Variants in RPAP3 observed in about 807,000 individuals in gnomAD.
RPAP3 encodes RNA polymerase II-associated protein 3.
A neutral mutation model predicts 88.8 loss-of-function variants in RPAP3; 58 were observed. The ratio of observed to expected loss-of-function variants is 0.65; its 90% CI spans 0.53 to 0.81. The LOEUF is 0.81. RPAP3 is among the 40% of genes least tolerant of loss of function. The pLI, the probability that RPAP3 is intolerant of heterozygous loss-of-function variation, is 0.00. For synonymous variants in RPAP3, 255 were observed against 259.9 expected, an observed-to-expected ratio of 0.98 and a Z score of 0.18; for missense variants, 751 against 764.3, an observed-to-expected ratio of 0.98 and a Z score of 0.20.
chr12:47,695,715 A>T (rs1361721247), intron 5 of RPAP3, among the ~76,000 whole-genome samples: 1 of 152,206 alleles, frequency 6.6e-6, no homozygotes, highest in Non-Finnish European at 1.5e-5. Context: ...GATACCAATA[A>T]AATTTGTATT....
At chr12:47,671,905 G>C (rs1341550283) in intron 12 of RPAP3, among the ~76,000 whole-genome samples, 1 of 151,750 alleles carries the variant, frequency 6.6e-6, no homozygotes, top group Admixed American at 6.6e-5. Flanking sequence ...AAGAACTTAA[G>C]AAAATATGAA....
chr12:47,688,001 C>T lies in RPAP3; in HGVS notation c.739G>A (p.Ala247Thr), dbSNP rs1209335748. Residue 247 changes from alanine to threonine, a missense_variant and splice_region_variant, in exon 8 of 17, where the codon GCT becomes ACT. Coordinates refer to ENST00000005386, the MANE Select transcript of RPAP3 (RefSeq NM_024604.3). ...ATNELRKISQ[A>T]LASKENSYPK... Reference sequence around the variant, plus strand: ...TATGAGTTTTCTTTGGATGCTAAAGCCTAGGAGACATAGCAGTCAGCTAAA... The same window carrying T: ...TATGAGTTTTCTTTGGATGCTAAAGTCTAGGAGACATAGCAGTCAGCTAAA... 1.9e-6 allele frequency: 3 copies of T among 1,607,806 alleles called. No homozygotes were observed. The African/African-American group carries it at 4.0e-5, about 22-fold the overall frequency.
At chr12:47,686,077 T>C (rs904190092) in intron 9 of RPAP3, among the ~76,000 whole-genome samples, 13 of 152,230 alleles carry the variant, frequency 8.5e-5, no homozygotes, top group Non-Finnish European at 4.4e-5. Context: ...TTCATGGCAC[T>C]GAAGAAGTTT....
chr12:47,703,808 T>C (rs1271968410), intron 1 of RPAP3, among the ~76,000 whole-genome samples: 2 of 152,224 alleles, frequency 1.3e-5, no homozygotes, highest in African/African-American at 4.8e-5. Flanking sequence ...TATGTGAAAA[T>C]ATCAAGGTAG....
chr12:47,672,933 T>C (rs562775934), intron 12 of RPAP3, among the ~76,000 whole-genome samples: 2 of 152,352 alleles, frequency 1.3e-5, no homozygotes, highest in African/African-American at 2.4e-5. Flanking sequence ...TTTATAATTA[T>C]GGACAGTGAC....
At chr12:47,691,791 G>A (rs544277868) in intron 5 of RPAP3, among the ~76,000 whole-genome samples, 46 of 151,682 alleles carry the variant, frequency 3.0e-4, no homozygotes, top group Non-Finnish European at 5.7e-4. Flanking sequence ...CTGTCGCCCA[G>A]GCTGGAGTGC....
At chr12:47,669,163 G>C in intron 13 of RPAP3, 61 bp from the exon 14 acceptor site, 2 of 1,187,830 alleles carry the variant, frequency 1.7e-6, no homozygotes, top group Non-Finnish European at 2.4e-6. Context: ...CTCAATCAAG[G>C]AGACATCAAT....
At chr12:47,686,714 G>A (rs1276045792) in intron 9 of RPAP3, 66 bp downstream of exon 9, 1 of 1,267,782 alleles carries the variant, frequency 7.9e-7, no homozygotes, top group Admixed American at 2.8e-5. Flanking sequence ...GTAACTTATG[G>A]TAAAAATTTA....
intron 1 of RPAP3, among the ~76,000 whole-genome samples, chr12:47,705,503 G>A (rs1228812230): frequency 6.6e-6 from 1 of 152,176 alleles, no homozygotes; most frequent in Admixed American, 6.5e-5. Context: ...GCTGCTGCTC[G>A]AGCAGGCCCA....
In RPAP3 at chr12:47,662,437, G is replaced by C. The variant is rs1938779356; in HGVS notation, c.*1068C>G. 1.3e-5 allele frequency: 2 copies of C among 152,058 alleles called. No homozygotes were observed. Among genetic ancestry groups the C allele is most frequent in the Admixed American group, 6.6e-5 (1 of 15,266 alleles). The allele number at this position is 152,058 out of a possible 1,614,324, so 9.4% of individuals were successfully genotyped here. A position where few individuals can be genotyped will look rare whatever the true frequency, so the allele number is the denominator to read the frequency against. On this transcript the variant is annotated 3_prime_UTR_variant, in exon 17 of 17. Coordinates refer to ENST00000005386, the MANE Select transcript of RPAP3 (RefSeq NM_024604.3). ...TGATTACTTCTCAAACAATTCATAA[G>C]AATAGTAATATGTATAATGGCAATA...
intron 1 of RPAP3, among the ~76,000 whole-genome samples, chr12:47,704,005 T>C (rs1470613645): frequency 2.0e-5 from 3 of 152,128 alleles, no homozygotes; most frequent in Non-Finnish European, 4.4e-5. Context: ...GTCAGATTAT[T>C]TGTTTGGGAT....
At chr12:47,702,976 T>A (rs1939686688) in intron 1 of RPAP3, 130 bp from the exon 2 acceptor site, 5 of 469,250 alleles carry the variant, frequency 1.1e-5, no homozygotes, top group Non-Finnish European at 1.8e-5. Context: ...AGCCAACTGA[T>A]GCTGAATAAA....
At position 47,663,347 on chromosome 12, in the gene RPAP3, CACTAGTTAA is replaced by C; in HGVS notation, c.*149_*157del. The C allele has an allele frequency of 1.9e-6, 1 of 522,746 alleles. No individual in the cohort carries two copies. Among genetic ancestry groups the C allele is most frequent in the Non-Finnish European group, 3.3e-6 (1 of 299,706 alleles). 32.4% of individuals were successfully genotyped at this position (522,746 alleles called of 1,614,324 possible). On this transcript the variant is annotated 3_prime_UTR_variant, in exon 17 of 17. Coordinates refer to ENST00000005386, the MANE Select transcript of RPAP3 (RefSeq NM_024604.3). ...ACAGAGTTCACTTGAATACAATTCT[CACTAGTTAA>C]ATCACAATTCACCTTATAGTTAATT...
chr12:47,675,379 T>C (rs1290751878), intron 12 of RPAP3, among the ~76,000 whole-genome samples: 1 of 152,092 alleles, frequency 6.6e-6, no homozygotes, highest in Admixed American at 6.5e-5. Flanking sequence ...AATGACAGGA[T>C]CAAATTCACA....
intron 12 of RPAP3, among the ~76,000 whole-genome samples, chr12:47,678,034 C>T (rs1939151019): frequency 6.6e-6 from 1 of 152,192 alleles, no homozygotes. Flanking sequence ...CAGCATGGTA[C>T]TGGTACCAAA....
intron 3 of RPAP3, among the ~76,000 whole-genome samples, chr12:47,700,749 A>T (rs536523280): frequency 4.6e-5 from 7 of 152,332 alleles, no homozygotes; most frequent in South Asian, 2.1e-4. Context: ...CCAGTCTAGA[A>T]GGGTAAAGAA....
intron 12 of RPAP3, among the ~76,000 whole-genome samples, chr12:47,675,462 G>C (rs1191565968): frequency 6.6e-6 from 1 of 151,950 alleles, no homozygotes; most frequent in Non-Finnish European, 1.5e-5. Context: ...AAATTGGATA[G>C]AGTAAAGACC....
chr12:47,667,323 C>A (rs1007412631), intron 15 of RPAP3, among the ~76,000 whole-genome samples: 21 of 152,010 alleles, frequency 1.4e-4, no homozygotes, highest in Admixed American at 2.6e-4. Flanking sequence ...ATTTCCATAC[C>A]CTACTTTTCT....
Position 47,681,726 on chromosome 12 carries a change from A to G in RPAP3, c.1084T>C (p.Phe362Leu). 1 of 1,612,544 alleles carries G rather than the reference A, an allele frequency of 6.2e-7. No homozygotes were observed. Among genetic ancestry groups the G allele is most frequent in the Non-Finnish European group, 8.5e-7 (1 of 1,179,324 alleles). Residue 362 changes from phenylalanine to leucine, a missense_variant, in exon 10 of 17, where the codon TTT becomes CTT. Coordinates refer to ENST00000005386, the MANE Select transcript of RPAP3 (RefSeq NM_024604.3). ...TTTGCCTCATTTAGCTTTCCCAAAA[A>G]TGTTCTTGCAGTTCCTCTTCTGGCA... ...AFARRGTART[F>L]LGKLNEAKQD...
Sources: gnomAD v4.1 joint callset for allele counts (sites outside exome capture counted in the v4.1 genomes callset) on GRCh38, gnomAD v4.1.1 for gene constraint, MANE v1.5 for transcripts, NCBI Gene and HGNC (gene_info 2026-07-23, HGNC 2026-07-21) for gene names.